The following DLC1 variants were observed in gnomAD, a reference collection of about 807,000 sequenced individuals.
DLC1 encodes rho GTPase-activating protein 7.
A neutral mutation model predicts 140.3 loss-of-function variants in DLC1; 54 were observed. The ratio of observed to expected loss-of-function variants is 0.38; its 90% CI spans 0.31 to 0.48. The LOEUF (loss-of-function observed/expected upper bound fraction) is 0.48, where lower values mean the gene tolerates loss of function less well. Ranked by LOEUF, DLC1 falls within the 20% of genes least tolerant of loss-of-function variation. DLC1 has a pLI of 0.96. For missense variants in DLC1, 2,536 were observed against 1,907.0 expected (o/e 1.33, Z -6.14); for synonymous variants, 986 against 728.1 (o/e 1.35, Z -5.70).
intron 1 of DLC1, among the ~76,000 whole-genome samples, chr8:13,540,659 T>C (rs1417772097): frequency 1.3e-5 from 2 of 152,186 alleles, no homozygotes; most frequent in African/African-American, 4.8e-5. Context: ...CCAAAATGTT[T>C]ATTGGATCTG....
rs1208668016 is a variant in DLC1 at position 13,499,638 on chromosome 8, C to T, written c.434G>A (p.Gly145Asp). The change falls in exon 2 of 18, where the codon GGC (glycine) becomes GAC (aspartate). Residue 145 changes from glycine to aspartate, a missense_variant. Transcript: ENST00000276297. ...TSGQHMIQGA[G>D]SLEKALPIIQ... is the part of the protein sequence containing the mutation. ...GATGGGCAGTGCCTTTTCTAAGGAG[C>T]CTGCTCCTTGGATCATATGTTGGCC... is the stretch of plus-strand genomic sequence containing the variant. 6 of 1,614,134 alleles carry T rather than the reference C, an allele frequency of 3.7e-6. No individual in the cohort carries two copies. The African/African-American group carries it at 6.7e-5, about 18-fold the overall frequency.
At chr8:13,360,342 A>C (rs1234842645) in intron 4 of DLC1, among the ~76,000 whole-genome samples, 1 of 152,188 alleles carries the variant, frequency 6.6e-6, no homozygotes, top group Non-Finnish European at 1.5e-5. Flanking sequence ...CTGCAAACCA[A>C]CTGAAATCAG....
At chr8:13,184,942 T>C (rs1370354450) in intron 5 of DLC1, among the ~76,000 whole-genome samples, 2 of 152,138 alleles carry the variant, frequency 1.3e-5, no homozygotes, top group Non-Finnish European at 2.9e-5. Flanking sequence ...TAATGCTCTT[T>C]GTAGGTCTGT....
chr8:13,470,759 A>G (rs138637905), intron 2 of DLC1, among the ~76,000 whole-genome samples: 4 of 152,326 alleles, frequency 2.6e-5, no homozygotes, highest in African/African-American at 9.6e-5. Flanking sequence ...TGAGCCAGCA[A>G]TCCCACTACT....
At chr8:13,579,813 C>G (rs185277119) in intron 1 of DLC1, among the ~76,000 whole-genome samples, 2 of 151,700 alleles carry the variant, frequency 1.3e-5, no homozygotes, top group African/African-American at 4.8e-5. Context: ...TGGCCCTCTG[C>G]ATAGCACATT....
intron 1 of DLC1, among the ~76,000 whole-genome samples, chr8:13,504,251 C>T (rs986573743): frequency 3.3e-5 from 5 of 151,736 alleles, no homozygotes; most frequent in African/African-American, 2.4e-5. Context: ...CTCAGCCTCC[C>T]GAGTAGCTGG....
intron 2 of DLC1, among the ~76,000 whole-genome samples, chr8:13,478,666 C>T (rs1416928074): frequency 1.3e-5 from 2 of 152,210 alleles, no homozygotes; most frequent in African/African-American, 2.4e-5. Context: ...AACTGTCTCT[C>T]CTCAGGTATC....
chr8:13,310,707 C>G (rs756539624), intron 4 of DLC1, among the ~76,000 whole-genome samples: 1 of 152,214 alleles, frequency 6.6e-6, no homozygotes, highest in Non-Finnish European at 1.5e-5. Context: ...TGATTTCAGT[C>G]TGCTTTCATT....
At position 13,100,553 on chromosome 8, in the gene DLC1, C is replaced by A. The variant is rs1056583874; in HGVS notation, c.1784G>T (p.Arg595Leu). 2.5e-6 allele frequency: 4 copies of A among 1,613,026 alleles called. No homozygotes were observed. The highest frequency in any genetic ancestry group is 3.4e-6 in the Non-Finnish European group (4 of 1,179,752). ...GAGGCTGCCAGTGCTGCTGAGGCTG[C>A]GGACGGAAGACACCTCCTGGCGCTC... ...LSERQEVSSV[R>L]SLSSTGSLPS... Residue 595 changes from arginine (R) to leucine (L), a missense_variant, in exon 9 of 18, where the codon CGC becomes CTC. Transcript: ENST00000276297.
chr8:13,335,209 A>G (rs1833771123), intron 4 of DLC1, among the ~76,000 whole-genome samples: 1 of 152,230 alleles, frequency 6.6e-6, no homozygotes. Context: ...GTCTGCCACA[A>G]TTTAGAAGCC....
chr8:13,277,107 G>A (rs1174363888), intron 5 of DLC1, among the ~76,000 whole-genome samples: 1 of 152,140 alleles, frequency 6.6e-6, no homozygotes, highest in Non-Finnish European at 1.5e-5. Flanking sequence ...GATCACTTGA[G>A]GCCAGGAGCT....
intron 1 of DLC1, among the ~76,000 whole-genome samples, chr8:13,561,839 C>T (rs1332301279): frequency 6.6e-6 from 1 of 152,096 alleles, no homozygotes; most frequent in Non-Finnish European, 1.5e-5. Context: ...ATTAACTCTA[C>T]TACTAGTTCA....
intron 2 of DLC1, among the ~76,000 whole-genome samples, chr8:13,487,576 C>G (rs899106732): frequency 2.7e-5 from 4 of 150,928 alleles, no homozygotes; most frequent in Middle Eastern, 6.8e-3. Flanking sequence ...AAAATGTTTT[C>G]CTTTTTTTTT....
At chr8:13,405,922 TTTC>T (rs1386703546) in intron 2 of DLC1, among the ~76,000 whole-genome samples, 25 of 87,452 alleles carry the variant, frequency 2.9e-4, no homozygotes, top group African/African-American at 7.4e-4. Context: ...TTTTCTTTTC[TTTC>T]TTTCTTTCTT....
chr8:13,096,412 G>A (rs1230865785), intron 10 of DLC1, among the ~76,000 whole-genome samples: 1 of 152,124 alleles, frequency 6.6e-6, no homozygotes, highest in Admixed American at 6.5e-5. Context: ...CAGCAGCCAT[G>A]GCATGTTACT....
At chr8:13,089,897 C>T (rs1013361828) in intron 15 of DLC1, among the ~76,000 whole-genome samples, 3 of 152,158 alleles carry the variant, frequency 2.0e-5, no homozygotes, top group African/African-American at 7.2e-5. Context: ...GAGAAGAGTG[C>T]AAAGGGATTC....
intron 4 of DLC1, among the ~76,000 whole-genome samples, chr8:13,384,812 G>C (rs1261134386): frequency 6.6e-6 from 1 of 152,068 alleles, no homozygotes; most frequent in Non-Finnish European, 1.5e-5. Context: ...ACTCACTGAT[G>C]AAGAAACCTT....
At chr8:13,174,052 T>G (rs1431206) in intron 5 of DLC1, among the ~76,000 whole-genome samples, 19,228 of 152,098 alleles carry the variant, frequency 0.13, 1,374 homozygotes, top group African/African-American at 0.18. Context: ...AGTGTCTGTT[T>G]TTCCTTTACG....
chr8:13,196,900 G>T (rs1317495291), intron 5 of DLC1, among the ~76,000 whole-genome samples: 1 of 152,180 alleles, frequency 6.6e-6, no homozygotes, highest in Non-Finnish European at 1.5e-5. Context: ...CTACTTCAGA[G>T]GGATTAAAAT....
Sources: gnomAD v4.1 joint callset for allele counts (sites outside exome capture counted in the v4.1 genomes callset) on GRCh38, gnomAD v4.1.1 for gene constraint, MANE v1.5 for transcripts, NCBI Gene and HGNC (gene_info 2026-07-23, HGNC 2026-07-21) for gene names.